CSMD1: variants seen among roughly 807,000 people sequenced by gnomAD.
CSMD1 encodes CUB and sushi domain-containing protein 1.
CSMD1 carries 213 observed loss-of-function variants against 417.5 expected under a neutral mutation model. The observed-to-expected ratio is 0.51, with a 90% confidence interval of 0.46 to 0.57. CSMD1 has a LOEUF of 0.57. Ranked by LOEUF, CSMD1 falls within the 20% of genes least tolerant of loss-of-function variation. The pLI is 0.00. For synonymous variants in CSMD1, 2,862 were observed against 1,736.8 expected (o/e 1.65, Z -16.11); for missense variants, 6,923 against 4,529.7 (o/e 1.53, Z -15.17).
intron 3 of CSMD1, among the ~76,000 whole-genome samples, chr8:4,342,001 A>C (rs1017611748): frequency 6.6e-6 from 1 of 152,134 alleles, no homozygotes; most frequent in Non-Finnish European, 1.5e-5. Flanking sequence ...TCCACCATGC[A>C]GTCATTTTAA....
intron 22 of CSMD1, among the ~76,000 whole-genome samples, chr8:3,345,336 C>G (rs1166055191): frequency 6.6e-6 from 1 of 152,134 alleles, no homozygotes; most frequent in African/African-American, 2.4e-5. Flanking sequence ...TTCTTCAGAA[C>G]AACAATTCTG....
intron 18 of CSMD1, among the ~76,000 whole-genome samples, chr8:3,387,160 G>T (rs1160203885): frequency 6.6e-6 from 1 of 152,164 alleles, no homozygotes; most frequent in East Asian, 1.9e-4. Flanking sequence ...GGAAAATCAG[G>T]TCTGACATCC....
At position 4,939,197 on chromosome 8, in the gene CSMD1, G is replaced by A. The variant is rs528229937; in HGVS notation, c.85+55135C>T. 7.2e-5 allele frequency among the ~76,000 whole-genome samples: 11 copies of A among 152,298 alleles called. No homozygotes were observed. In the South Asian group the frequency reaches 8.3e-4, roughly 11 times the overall value. On this transcript the variant is annotated intron_variant, in intron 1 of 69. Coordinates refer to ENST00000635120, the MANE Select transcript of CSMD1 (RefSeq NM_033225.6). ...GGGGAAAAGAAAATCCACGTACACT[G>A]TTGGTGGGAATGTAAATTAGTAAAG... is the stretch of plus-strand genomic sequence containing the variant.
intron 5 of CSMD1, among the ~76,000 whole-genome samples, chr8:3,920,308 T>G (rs2129143644): frequency 6.6e-6 from 1 of 152,108 alleles, no homozygotes; most frequent in South Asian, 2.1e-4. Flanking sequence ...GTGCTGAGAT[T>G]ATAGGAGTGA....
intron 3 of CSMD1, among the ~76,000 whole-genome samples, chr8:4,229,157 G>A (rs1287294010): frequency 3.9e-5 from 6 of 152,050 alleles, no homozygotes; most frequent in African/African-American, 1.2e-4. Flanking sequence ...TTCTATTTGG[G>A]CAGGACAAAA....
At chr8:3,755,294 G>C (rs13264640) in intron 5 of CSMD1, among the ~76,000 whole-genome samples, 43,105 of 152,066 alleles carry the variant, frequency 0.28, 7,026 homozygotes, top group Non-Finnish European at 0.36. Context: ...GTTACCCATT[G>C]TATAAACTGG....
intron 10 of CSMD1, among the ~76,000 whole-genome samples, chr8:3,560,895 G>A: frequency 6.6e-6 from 1 of 152,148 alleles, no homozygotes; most frequent in South Asian, 2.1e-4. Flanking sequence ...GATTCTTCCA[G>A]TTCCTATTTA....
intron 10 of CSMD1, among the ~76,000 whole-genome samples, chr8:3,533,516 T>A (rs1463534834): frequency 3.3e-5 from 5 of 152,160 alleles, no homozygotes; most frequent in African/African-American, 1.2e-4. Context: ...TCACTTAGCA[T>A]CATGTGATTC....
chr8:4,478,239 C>T (rs1800905862), intron 2 of CSMD1, among the ~76,000 whole-genome samples: 1 of 152,122 alleles, frequency 6.6e-6, no homozygotes, highest in South Asian at 2.1e-4. Flanking sequence ...TGAAAAGCTT[C>T]CTTAGAAATG....
intron 4 of CSMD1, among the ~76,000 whole-genome samples, chr8:4,015,829 G>T (rs565632427): frequency 6.6e-6 from 1 of 152,106 alleles, no homozygotes; most frequent in African/African-American, 2.4e-5. Flanking sequence ...AGCAAGCGGC[G>T]TAACTTCCCA....
intron 2 of CSMD1, among the ~76,000 whole-genome samples, chr8:4,527,936 C>T (rs1005594092): frequency 2.0e-5 from 3 of 152,134 alleles, no homozygotes; most frequent in East Asian, 1.9e-4. Context: ...TGAGGGTGTG[C>T]TGACTGGCCC....
chr8:4,244,832 G>C (rs1365854191), intron 3 of CSMD1, among the ~76,000 whole-genome samples: 3 of 152,090 alleles, frequency 2.0e-5, no homozygotes, highest in Non-Finnish European at 4.4e-5. Flanking sequence ...TATATGTTCT[G>C]ACCTCCTTCT....
intron 41 of CSMD1, among the ~76,000 whole-genome samples, chr8:3,133,023 G>C (rs1817878922): frequency 1.3e-5 from 2 of 152,340 alleles, no homozygotes; most frequent in Middle Eastern, 6.8e-3. Flanking sequence ...TATGAGGTTA[G>C]CTGACTTGCC....
chr8:4,598,158 T>G (rs551314707), intron 2 of CSMD1, among the ~76,000 whole-genome samples: 114 of 152,250 alleles, frequency 7.5e-4, no homozygotes, highest in African/African-American at 2.5e-3. Flanking sequence ...AAAAGTCAAG[T>G]TAGATAAATA....
At position 2,949,287 on chromosome 8, in the gene CSMD1, A is replaced by C; in HGVS notation, c.10402+12T>G. On this transcript the variant is annotated intron_variant, in intron 68 of 69. Transcript: ENST00000635120. ...GATATTTGCTTTAAAATATATCCTA[A>C]GTGCAACTTACCTTGCCTTTCTAGC... 1 of 1,481,008 alleles carries C rather than the reference A, an allele frequency of 6.8e-7. No homozygotes were observed. Among genetic ancestry groups the C allele is most frequent in the Non-Finnish European group, 9.4e-7 (1 of 1,063,122 alleles). 91.7% of individuals were successfully genotyped at this position (1,481,008 alleles called of 1,614,324 possible). A position where few individuals can be genotyped will look rare whatever the true frequency, so the allele number is the denominator to read the frequency against.
intron 3 of CSMD1, among the ~76,000 whole-genome samples, chr8:4,249,862 T>C (rs2128829895): frequency 6.6e-6 from 1 of 152,212 alleles, no homozygotes; most frequent in Non-Finnish European, 1.5e-5. Flanking sequence ...CCCCCGGAAT[T>C]CTTGAGTTGG....
intron 5 of CSMD1, among the ~76,000 whole-genome samples, chr8:3,858,967 A>G (rs1181472471): frequency 6.6e-6 from 1 of 152,224 alleles, no homozygotes; most frequent in African/African-American, 2.4e-5. Context: ...ATTAAAGTAT[A>G]ACGACATCAA....
chr8:3,425,868 G>C (rs1025642429), intron 12 of CSMD1, among the ~76,000 whole-genome samples: 5 of 152,056 alleles, frequency 3.3e-5, no homozygotes, highest in Admixed American at 2.6e-4. Flanking sequence ...ACTGATCAAA[G>C]ATGACCACAA....
At chr8:4,559,412 C>G (rs6993844) in intron 2 of CSMD1, among the ~76,000 whole-genome samples, 23,503 of 152,012 alleles carry the variant, frequency 0.15, 1,792 homozygotes, top group African/African-American at 0.17. Context: ...ATACACTGAA[C>G]CATGGCATTT....
Sources: allele counts gnomAD v4.1 joint callset (sites outside exome capture counted in the v4.1 genomes callset), GRCh38; gene constraint gnomAD v4.1.1; transcripts MANE v1.5; gene names NCBI Gene and HGNC (gene_info 2026-07-23, HGNC 2026-07-21).